The following CEP128 variants were observed in gnomAD, a reference collection of about 807,000 sequenced individuals.
CEP128 encodes centrosomal protein 128kDa.
CEP128 carries 132 observed loss-of-function variants against 156.7 expected under a neutral mutation model. The observed-to-expected ratio is 0.84, with a 90% confidence interval of 0.73 to 0.97. The LOEUF (loss-of-function observed/expected upper bound fraction) is 0.97. CEP128 is among the 50% of genes least tolerant of loss of function. The pLI, the probability that CEP128 is intolerant of heterozygous loss-of-function variation, is 0.00. For missense variants in CEP128, 1,252 were observed against 1,281.9 expected, an observed-to-expected ratio of 0.98 and a Z score of 0.36; for synonymous variants, 469 against 448.9, an observed-to-expected ratio of 1.04 and a Z score of -0.57.
At chr14:80,880,664 G>A (rs1008981682) in intron 8 of CEP128, among the ~76,000 whole-genome samples, 13 of 149,734 alleles carry the variant, frequency 8.7e-5, no homozygotes, top group African/African-American at 2.7e-4. Context: ...AGACCATCCT[G>A]GCTAACACAG....
chr14:80,852,109 A>G (rs1468231127), intron 9 of CEP128, among the ~76,000 whole-genome samples: 1 of 152,054 alleles, frequency 6.6e-6, no homozygotes, highest in Non-Finnish European at 1.5e-5. Flanking sequence ...CATGTATGAC[A>G]TGCACAAGCA....
At chr14:80,903,527 G>A (rs1014543694) in intron 6 of CEP128, among the ~76,000 whole-genome samples, 4 of 151,944 alleles carry the variant, frequency 2.6e-5, no homozygotes, top group African/African-American at 9.7e-5. Flanking sequence ...TAAAGCTTCT[G>A]CATAGCAAAA....
chr14:80,810,330 A>AAAAAAAAAAAAAAAAAAAG (rs1884446345), intron 13 of CEP128, among the ~76,000 whole-genome samples: 1 of 144,686 alleles, frequency 6.9e-6, no homozygotes, highest in Non-Finnish European at 1.5e-5. Context: ...CTCCAAAAAA[A>AAAAAAAAAAAAAAAAAAAG]AAAAAAAAAA....
intron 19 of CEP128, among the ~76,000 whole-genome samples, chr14:80,741,553 G>C (rs1328999312): frequency 6.6e-6 from 1 of 152,064 alleles, no homozygotes; most frequent in South Asian, 2.1e-4. Flanking sequence ...GAATATAGCA[G>C]CACTCAGTGA....
chr14:80,745,445 TTAA>T (rs1899050749), intron 18 of CEP128, among the ~76,000 whole-genome samples: 1 of 152,120 alleles, frequency 6.6e-6, no homozygotes, highest in Non-Finnish European at 1.5e-5. Flanking sequence ...AATGCAAGGT[TTAA>T]GATAGGAAAA....
At chr14:80,626,831 G>A (rs1172066671) in intron 19 of CEP128, among the ~76,000 whole-genome samples, 1 of 152,168 alleles carries the variant, frequency 6.6e-6, no homozygotes. Context: ...TTGGGAGGCT[G>A]AGGCAGGAGA....
rs566592279 is a variant in CEP128, at chr14:80,671,673, T to C, written c.2806+71402A>G. Among the ~76,000 whole-genome samples, 16 of 152,306 alleles carry C rather than the reference T, an allele frequency of 1.1e-4. No individual in the cohort carries two copies. In the East Asian group the frequency reaches 3.1e-3, roughly 29 times the overall value. On this transcript the variant is annotated intron_variant, in intron 19 of 24. Coordinates refer to ENST00000555265, the MANE Select transcript of CEP128 (RefSeq NM_152446.5). Reference sequence around the variant, plus strand: ...CAGACACAAAAAATGTAGATATGTGTACAATTCAAACTGAAATTCACCACT... The same window carrying C: ...CAGACACAAAAAATGTAGATATGTGCACAATTCAAACTGAAATTCACCACT...
At chr14:80,538,149 A>AT (rs140537663) in intron 21 of CEP128, among the ~76,000 whole-genome samples, 21,252 of 149,296 alleles carry the variant, frequency 0.14, 1,617 homozygotes, top group South Asian at 0.23. Context: ...CAAACAGCAG[A>AT]TTTTTTTTTT....
intron 14 of CEP128, among the ~76,000 whole-genome samples, chr14:80,791,948 T>C (rs1381503852): frequency 2.0e-5 from 3 of 152,210 alleles, no homozygotes; most frequent in Admixed American, 1.3e-4. Flanking sequence ...TTTTGGAATG[T>C]ACAGAGTTCT....
chr14:80,737,070 G>A (rs929741863), intron 19 of CEP128, among the ~76,000 whole-genome samples: 1 of 152,058 alleles, frequency 6.6e-6, no homozygotes, highest in African/African-American at 2.4e-5. Flanking sequence ...TCTAAGAGCG[G>A]GCATAATTTT....
chr14:80,828,123 C>CTTTTTTTTTT (rs1008856396), intron 13 of CEP128, among the ~76,000 whole-genome samples: 17 of 126,968 alleles, frequency 1.3e-4, no homozygotes, highest in East Asian at 4.3e-4. Flanking sequence ...CTTCTTTTTT[C>CTTTTTTTTTT]TTTTTTTTTT....
At chr14:80,871,563 AC>A (rs1362030674) in intron 8 of CEP128, among the ~76,000 whole-genome samples, 1 of 152,136 alleles carries the variant, frequency 6.6e-6, no homozygotes, top group East Asian at 1.9e-4. Context: ...AAGGTTGTGG[AC>A]CTTAACCTAA....
intron 9 of CEP128, among the ~76,000 whole-genome samples, chr14:80,855,660 A>G (rs1052185711): frequency 6.6e-6 from 1 of 152,128 alleles, no homozygotes; most frequent in Non-Finnish European, 1.5e-5. Context: ...AAGGTAAGCA[A>G]AGGCGAGTCC....
chr14:80,606,968 CAT>C (rs142069436), intron 19 of CEP128, among the ~76,000 whole-genome samples: 19,414 of 151,354 alleles, frequency 0.13, 2,082 homozygotes, highest in African/African-American at 0.29. Flanking sequence ...TTGATACACA[CAT>C]ATATACATAT....
At chr14:80,597,619 A>C (rs941777920) in intron 19 of CEP128, among the ~76,000 whole-genome samples, 1 of 151,186 alleles carries the variant, frequency 6.6e-6, no homozygotes, top group Admixed American at 6.7e-5. Flanking sequence ...CCTCAAAAAA[A>C]CAAAGAAAGA....
chr14:80,664,923 A>T (rs1895550517), intron 19 of CEP128, among the ~76,000 whole-genome samples: 1 of 152,234 alleles, frequency 6.6e-6, no homozygotes, highest in African/African-American at 2.4e-5. Flanking sequence ...CTTTACAAAA[A>T]GTCAACTCAA....
At chr14:80,935,370 G>A (rs2047260348) in intron 2 of CEP128, among the ~76,000 whole-genome samples, 1 of 151,910 alleles carries the variant, frequency 6.6e-6, no homozygotes, top group Non-Finnish European at 1.5e-5. Context: ...GGCCAGCATG[G>A]TGAAACCCTG....
chr14:80,524,651 C>T (rs1888896623), intron 23 of CEP128, among the ~76,000 whole-genome samples: 1 of 152,106 alleles, frequency 6.6e-6, no homozygotes, highest in Non-Finnish European at 1.5e-5. Context: ...TTTTCCTCAC[C>T]AATGACTACC....
chr14:80,862,798 G>T lies in CEP128; in HGVS notation c.721C>A (p.Arg241Ser). The T allele has an allele frequency of 4.3e-6, 7 of 1,613,848 alleles. No homozygotes were observed. Among genetic ancestry groups the T allele is most frequent in the Non-Finnish European group, 5.9e-6 (7 of 1,179,810 alleles). The change falls in exon 9 of 25, where the codon CGC becomes AGC. Residue 241 changes from arginine (R) to serine (S), a missense_variant. Transcript: ENST00000555265. Reference protein sequence around the residue: ...MRTERELVERRQDQLGLMSLQ... With the variant: ...MRTERELVERSQDQLGLMSLQ... ...GACATGAGTCCCAGTTGATCCTGGC[G>T]TCTTTCCACCAGCTCCCTTTCTGTG...
Sources: gnomAD v4.1 joint callset for allele counts (sites outside exome capture counted in the v4.1 genomes callset) on GRCh38, gnomAD v4.1.1 for gene constraint, MANE v1.5 for transcripts, NCBI Gene and HGNC (gene_info 2026-07-23, HGNC 2026-07-21) for gene names.